SMAP1: variants seen among roughly 807,000 people sequenced by gnomAD.
SMAP1 encodes the protein small ArfGAP 1.
Under a neutral mutation model 58.5 loss-of-function variants are expected in SMAP1, and 24 were observed. The ratio of observed to expected loss-of-function variants is 0.41; its 90% CI spans 0.30 to 0.58. SMAP1 has a LOEUF of 0.58. Among genes scored for constraint, SMAP1 ranks in the 20% least tolerant of loss-of-function variants. The pLI is 0.29. For missense variants in SMAP1, 563 were observed against 566.3 expected (o/e 0.99, Z 0.06); for synonymous variants, 216 against 196.6 (o/e 1.10, Z -0.82).
chr6:70,818,915 T>C (rs1769760973), intron 6 of SMAP1, among the ~76,000 whole-genome samples: 1 of 121,906 alleles, frequency 8.2e-6, no homozygotes, highest in African/African-American at 2.8e-5. Flanking sequence ...TTAAAATGTA[T>C]AGTTCAGTGG....
intron 6 of SMAP1, among the ~76,000 whole-genome samples, chr6:70,818,677 A>T (rs1769750657): frequency 6.6e-6 from 1 of 152,054 alleles, no homozygotes; most frequent in Non-Finnish European, 1.5e-5. Context: ...GGGGATGCTA[A>T]ATTTGTGGTA....
At chr6:70,847,981 A>G (rs949871161) in intron 7 of SMAP1, among the ~76,000 whole-genome samples, 1 of 152,200 alleles carries the variant, frequency 6.6e-6, no homozygotes, top group Non-Finnish European at 1.5e-5. Context: ...TTCTCACATT[A>G]TGGTGATTTA....
chr6:70,710,032 A>G (rs1395074208), intron 1 of SMAP1, among the ~76,000 whole-genome samples: 1 of 152,180 alleles, frequency 6.6e-6, no homozygotes, highest in African/African-American at 2.4e-5. Context: ...GTACTTACAC[A>G]AACTAGCTGT....
At position 70,725,464 on chromosome 6, in the gene SMAP1, A is replaced by G. The variant is rs528254886; in HGVS notation, c.119-6914A>G. Among the ~76,000 whole-genome samples, 43 of 152,098 alleles carry G rather than the reference A, an allele frequency of 2.8e-4. 1 individual carries two copies. In the South Asian group the frequency reaches 6.2e-3, roughly 22 times the overall value. The stretch of plus-strand genomic sequence containing the variant: ...GGTAGTTCACAAACATACCCGACCC[A>G]TAGTATAGCTGACCATGAGCAGTGA... On this transcript the variant is annotated intron_variant, in intron 1 of 10. Coordinates refer to ENST00000370455, the MANE Select transcript of SMAP1 (RefSeq NM_001044305.3).
chr6:70,745,180 A>G (rs1466035902), intron 2 of SMAP1, among the ~76,000 whole-genome samples: 1 of 152,198 alleles, frequency 6.6e-6, no homozygotes, highest in Non-Finnish European at 1.5e-5. Flanking sequence ...TAGTTTAATT[A>G]GATCCCATTT....
intron 2 of SMAP1, among the ~76,000 whole-genome samples, chr6:70,736,382 G>A (rs1262525383): frequency 6.6e-6 from 1 of 151,970 alleles, no homozygotes; most frequent in Non-Finnish European, 1.5e-5. Flanking sequence ...AAATACTATA[G>A]CTTCCTTCCC....
chr6:70,677,915 C>T (rs1766551207), intron 1 of SMAP1, among the ~76,000 whole-genome samples: 1 of 152,004 alleles, frequency 6.6e-6, no homozygotes, highest in Admixed American at 6.6e-5. Context: ...AGTATTTCTA[C>T]CTCAGATGTT....
intron 1 of SMAP1, among the ~76,000 whole-genome samples, chr6:70,698,896 CTTAT>C (rs1767517320): frequency 1.3e-5 from 2 of 152,096 alleles, no homozygotes; most frequent in African/African-American, 4.8e-5. Context: ...TCATTTGTGC[CTTAT>C]TTAGTTCATT....
chr6:70,783,191 G>C (rs1309151837), intron 4 of SMAP1, among the ~76,000 whole-genome samples: 1 of 152,190 alleles, frequency 6.6e-6, no homozygotes, highest in Non-Finnish European at 1.5e-5. Flanking sequence ...CAGGCAAACA[G>C]GGTCTGGAGT....
At chr6:70,717,913 T>C (rs878985003) in intron 1 of SMAP1, among the ~76,000 whole-genome samples, 1 of 152,332 alleles carries the variant, frequency 6.6e-6, no homozygotes, top group Admixed American at 6.5e-5. Flanking sequence ...AAGTTTATCT[T>C]ATATATCTAT....
intron 1 of SMAP1, among the ~76,000 whole-genome samples, chr6:70,683,990 A>G (rs1379399328): frequency 6.6e-6 from 1 of 152,204 alleles, no homozygotes; most frequent in East Asian, 1.9e-4. Context: ...ATTCTCTTTA[A>G]ATTCAGTCCT....
chr6:70,735,230 C>G (rs570306135), intron 2 of SMAP1, among the ~76,000 whole-genome samples: 1 of 152,150 alleles, frequency 6.6e-6, no homozygotes, highest in Admixed American at 6.5e-5. Context: ...GTCACCAATA[C>G]CCCAGTGAAG....
intron 3 of SMAP1, among the ~76,000 whole-genome samples, chr6:70,766,221 T>C (rs980943122): frequency 6.6e-6 from 1 of 152,342 alleles, no homozygotes; most frequent in Non-Finnish European, 1.5e-5. Context: ...TGCATCTGTC[T>C]TTATAGCAGC....
chr6:70,854,357 C>A (rs913029468), intron 8 of SMAP1, among the ~76,000 whole-genome samples: 2 of 152,130 alleles, frequency 1.3e-5, no homozygotes, highest in African/African-American at 4.8e-5. Context: ...TATGGTGGTT[C>A]ATGCCTGTAA....
intron 4 of SMAP1, among the ~76,000 whole-genome samples, chr6:70,788,200 A>G (rs1339529329): frequency 6.6e-6 from 1 of 150,784 alleles, no homozygotes; most frequent in East Asian, 2.0e-4. Flanking sequence ...TATCGCAAGG[A>G]CAAGAAACGA....
At position 70,798,689 on chromosome 6, in the gene SMAP1, G is replaced by T; in HGVS notation, c.528G>T (p.Lys176Asn). 1.3e-6 allele frequency: 2 copies of T among 1,550,156 alleles called. No homozygotes were observed. Among genetic ancestry groups the T allele is most frequent in the Admixed American group, 1.9e-5 (1 of 51,994 alleles). ...KEKEKKKEEK[K>N]REKEPEKPAK... is the part of the protein sequence containing the mutation. Reference sequence around the variant, plus strand: ...AGGAAAAAAAAAAGGAAGAGAAAAAGAGAGAAAAGGAGCCAGAAAAGCCGG... The same window carrying T: ...AGGAAAAAAAAAAGGAAGAGAAAAATAGAGAAAAGGAGCCAGAAAAGCCGG... The change falls in exon 6 of 11, where the codon AAG (lysine) becomes AAT (asparagine). Residue 176 changes from lysine (K) to asparagine (N), a missense_variant. Transcript: ENST00000370455.
chr6:70,798,613 T>C (rs1487203275), intron 5 of SMAP1, 44 bp from the exon 6 acceptor site: 1 of 1,472,396 alleles, frequency 6.8e-7, no homozygotes, highest in Admixed American at 2.7e-5. Context: ...AAATTGCCAT[T>C]TTTTAAAAAA....
chr6:70,785,643 A>C (rs1034879307), intron 4 of SMAP1, among the ~76,000 whole-genome samples: 10 of 152,354 alleles, frequency 6.6e-5, no homozygotes, highest in African/African-American at 1.9e-4. Flanking sequence ...CCACAGAAAT[A>C]CAAACTACCA....
At position 70,859,114 on chromosome 6, in the gene SMAP1, G is replaced by GATT. The variant is rs1771577821; in HGVS notation, c.1269+886_1269+888dup. 1.4e-5 allele frequency: 6 copies of GATT among 430,126 alleles called. No individual in the cohort carries two copies. The South Asian group carries it at 2.3e-4, about 17-fold the overall frequency. 26.6% of individuals were successfully genotyped at this position (430,126 alleles called of 1,614,324 possible). On this transcript the variant is annotated intron_variant, in intron 10 of 10. Transcript: ENST00000370455. The stretch of plus-strand genomic sequence containing the variant: ...GAGCATTCAGGGAATAGTCTAGAGT[G>GATT]ATTTCTAACATTAGCACAATCACTA...
Sources: gnomAD v4.1 joint callset for allele counts (sites outside exome capture counted in the v4.1 genomes callset) on GRCh38, gnomAD v4.1.1 for gene constraint, MANE v1.5 for transcripts, NCBI Gene and HGNC (gene_info 2026-07-23, HGNC 2026-07-21) for gene names.